PREX1: variants seen among roughly 807,000 people sequenced by gnomAD.
PREX1 encodes the protein phosphatidylinositol 3,4,5-trisphosphate-dependent Rac exchanger 1 protein.
In PREX1, 41 loss-of-function variants were observed where a neutral mutation model predicts 198.3. The observed-to-expected ratio is 0.21, with a 90% CI of 0.16 to 0.27. The LOEUF is 0.27. Among genes scored for constraint, PREX1 ranks in the 10% least tolerant of loss-of-function variants. The probability of loss-of-function intolerance (pLI) is 1.00; values close to 1 mark genes in which losing one functional copy is unlikely to be tolerated. For missense variants in PREX1, 1,620 were observed against 2,200.7 expected (o/e 0.74, Z 5.28); for synonymous variants, 843 against 887.2 (o/e 0.95, Z 0.89).
At chr20:48,788,190 G>A (rs1426994261) in intron 1 of PREX1, among the ~76,000 whole-genome samples, 2 of 152,208 alleles carry the variant, frequency 1.3e-5, no homozygotes, top group African/African-American at 4.8e-5. Context: ...CCACCACCCA[G>A]GGAACAGGCG....
chr20:48,679,012 G>A (rs1285997078), intron 13 of PREX1, among the ~76,000 whole-genome samples: 1 of 152,194 alleles, frequency 6.6e-6, no homozygotes, highest in Admixed American at 6.5e-5. Context: ...GGAACAGCAG[G>A]CACAAAGGCC....
intron 3 of PREX1, among the ~76,000 whole-genome samples, chr20:48,741,972 G>C (rs1026916239): frequency 1.8e-4 from 27 of 152,214 alleles, no homozygotes; most frequent in Non-Finnish European, 3.4e-4. Context: ...AATGAGGCAG[G>C]AACCTTTGGA....
Position 48,721,307 on chromosome 20 carries a change from G to A in PREX1, c.621+4983C>T, listed in dbSNP as rs562293651. 2.6e-5 allele frequency among the ~76,000 whole-genome samples: 4 copies of A among 152,326 alleles called. No individual in the cohort carries two copies. In the East Asian group the frequency reaches 7.7e-4, roughly 29 times the overall value. On this transcript the variant is annotated intron_variant, in intron 5 of 39. Coordinates refer to ENST00000371941, the MANE Select transcript of PREX1 (RefSeq NM_020820.4). ...AGGACAGAATGTGAGCCAGCGAGCA[G>A]TGCTATGAAGAAAAATAAAAGCAAG...
chr20:48,734,945 T>C (rs2090050565), intron 3 of PREX1, among the ~76,000 whole-genome samples: 1 of 152,180 alleles, frequency 6.6e-6, no homozygotes, highest in African/African-American at 2.4e-5. Context: ...CGGCTCTGTA[T>C]TTCCTGTGAA....
the PREX1 span, among the ~76,000 whole-genome samples, chr20:48,872,527 AG>A: frequency 6.6e-6 from 1 of 151,974 alleles, no homozygotes; most frequent in Non-Finnish European, 1.5e-5. Context: ...GCAGATCACT[AG>A]AGGTCAGGAG....
At chr20:48,830,309 G>A (rs1407941769), upstream of PREX1, among the ~76,000 whole-genome samples, 2 of 152,210 alleles carry the variant, frequency 1.3e-5, no homozygotes, top group Non-Finnish European at 2.9e-5. Flanking sequence ...CTGCAAGTAA[G>A]CTGTGATCAC....
At chr20:48,676,120 T>C (rs1007450514) in intron 14 of PREX1, 73 bp downstream of exon 14, 4 of 1,459,376 alleles carry the variant, frequency 2.7e-6, no homozygotes, top group South Asian at 2.3e-5. Flanking sequence ...AAAAAATCTT[T>C]AAACAAAACA....
At chr20:48,759,289 C>T (rs1175846800) in intron 1 of PREX1, among the ~76,000 whole-genome samples, 1 of 152,016 alleles carries the variant, frequency 6.6e-6, no homozygotes, top group African/African-American at 2.4e-5. Context: ...GTAGCTCACG[C>T]CTATAATACC....
intron 2 of PREX1, among the ~76,000 whole-genome samples, chr20:48,747,530 CTG>C (rs2090114289): frequency 6.6e-6 from 1 of 152,216 alleles, no homozygotes; most frequent in Non-Finnish European, 1.5e-5. Context: ...GCCCGGAAGA[CTG>C]GGGGGTCACA....
At chr20:48,681,452 A>G in intron 10 of PREX1, 117 bp from the exon 11 acceptor site, 1 of 936,212 alleles carries the variant, frequency 1.1e-6, no homozygotes, top group Non-Finnish European at 1.7e-6. Flanking sequence ...AACTTCCCAC[A>G]GGGAAGCCGA....
At chr20:48,785,009 G>A (rs2090305667) in intron 1 of PREX1, among the ~76,000 whole-genome samples, 1 of 151,884 alleles carries the variant, frequency 6.6e-6, no homozygotes, top group African/African-American at 2.4e-5. Flanking sequence ...CATCTCCCAG[G>A]TTCAAACGAT....
chr20:48,714,982 C>T (rs949556364), intron 5 of PREX1, among the ~76,000 whole-genome samples: 1 of 152,054 alleles, frequency 6.6e-6, no homozygotes, highest in Non-Finnish European at 1.5e-5. Context: ...GTCTAACATG[C>T]GAAAGGAGGG....
At chr20:48,725,533 C>G (rs113140217) in intron 5 of PREX1, among the ~76,000 whole-genome samples, 1,678 of 152,366 alleles carry the variant, frequency 0.011, 9 homozygotes, top group Middle Eastern at 0.017. Context: ...GTATGGAAGG[C>G]TGCATTTGCC....
rs137984733 is a variant in PREX1, at chr20:48,766,415, G to A, written c.220-18535C>T. Among the ~76,000 whole-genome samples, 55 of 152,242 alleles carry A rather than the reference G, an allele frequency of 3.6e-4. No individual in the cohort carries two copies. In the East Asian group the frequency reaches 7.0e-3, roughly 19 times the overall value. ...CCCATCAGCCGCTCCCCGCTTCTCT[G>A]AGAACCCCATCCAGAAGGGCTCTGC... On this transcript the variant is annotated intron_variant, in intron 1 of 39. Coordinates refer to ENST00000371941, the MANE Select transcript of PREX1 (RefSeq NM_020820.4).
chr20:48,788,614 C>G (rs1252722788), intron 1 of PREX1, among the ~76,000 whole-genome samples: 1 of 152,186 alleles, frequency 6.6e-6, no homozygotes, highest in Non-Finnish European at 1.5e-5. Context: ...GGCTATTATA[C>G]TTCTTCTCTT....
chr20:48,693,542 T>G (rs2089830313), intron 7 of PREX1, among the ~76,000 whole-genome samples: 1 of 152,270 alleles, frequency 6.6e-6, no homozygotes, highest in Admixed American at 6.5e-5. Context: ...ACCTTTCATC[T>G]TGGAGTCCAC....
chr20:48,636,409 G>T, intron 32 of PREX1, 54 bp downstream of exon 32: 1 of 1,526,312 alleles, frequency 6.6e-7, no homozygotes. Flanking sequence ...ACCCGGCCTG[G>T]GCGGGCACCA....
Position 48,801,474 on chromosome 20 carries a change from G to A in PREX1, c.219+26168C>T, listed in dbSNP as rs148541945. 1.7e-3 allele frequency among the ~76,000 whole-genome samples: 256 copies of A among 152,224 alleles called. 1 individual carries two copies. Among genetic ancestry groups the A allele is most frequent in the Non-Finnish European group, 2.9e-3 (195 of 68,026 alleles). The stretch of plus-strand genomic sequence containing the variant: ...AAAGAGCTTCCTAAAACCATCCTGC[G>A]ACAGAGTCCCTTCTGGTCAGAGCAC... On this transcript the variant is annotated intron_variant, in intron 1 of 39. Coordinates refer to ENST00000371941, the MANE Select transcript of PREX1 (RefSeq NM_020820.4).
chr20:48,700,637 A>C, intron 7 of PREX1, 116 bp downstream of exon 7: 1 of 1,399,056 alleles, frequency 7.1e-7, no homozygotes, highest in Non-Finnish European at 1.0e-6. Context: ...GCACTGATGT[A>C]GAACAAACCC....
Sources: allele counts gnomAD v4.1 joint callset (sites outside exome capture counted in the v4.1 genomes callset), GRCh38; gene constraint gnomAD v4.1.1; transcripts MANE v1.5; gene names NCBI Gene and HGNC (gene_info 2026-07-23, HGNC 2026-07-21).